The following IDO2 variants were observed in gnomAD, a reference collection of about 807,000 sequenced individuals.
IDO2 encodes indoleamine 2,3-dioxygenase-like 1 protein.
Under a neutral mutation model 45.1 loss-of-function variants are expected in IDO2, and 46 were observed. The observed-to-expected ratio is 1.02, with a 90% CI of 0.80 to 1.30. The LOEUF (loss-of-function observed/expected upper bound fraction) is 1.30. IDO2 is among the 50% of genes most tolerant of loss of function. The probability of loss-of-function intolerance (pLI) is 0.00; values close to 1 mark genes in which losing one functional copy is unlikely to be tolerated. For missense variants in IDO2, 544 were observed against 491.8 expected (o/e 1.11, Z -1.00); for synonymous variants, 218 against 184.9 (o/e 1.18, Z -1.45).
intron 8 of IDO2, among the ~76,000 whole-genome samples, chr8:39,991,396 A>G (rs938767061): frequency 8.5e-5 from 13 of 152,084 alleles, no homozygotes; most frequent in East Asian, 3.9e-4. Context: ...TAGCAAGGCT[A>G]TTAGGGAGAT....
At chr8:39,975,870 C>A (rs963477547) in intron 3 of IDO2, among the ~76,000 whole-genome samples, 1 of 151,962 alleles carries the variant, frequency 6.6e-6, no homozygotes, top group South Asian at 2.1e-4. Flanking sequence ...ACTGCAGATG[C>A]ATCCAGTAAT....
intron 2 of IDO2, among the ~76,000 whole-genome samples, chr8:39,956,688 T>C (rs1451785276): frequency 6.6e-6 from 1 of 152,162 alleles, no homozygotes; most frequent in Non-Finnish European, 1.5e-5. Flanking sequence ...AATAACTATA[T>C]AGAAAGTGTT....
At position 39,963,713 on chromosome 8, in the gene IDO2, T is replaced by C; in HGVS notation, c.195+10T>C. On this transcript the variant is annotated intron_variant, in intron 3 of 10. Coordinates refer to ENST00000502986, the Ensembl canonical transcript of IDO2. The stretch of plus-strand genomic sequence containing the variant: ...AGCTCATGTGGACAAGGTATTCTTC[T>C]CTTCACCCCCTCATCACATTCTGTT... 2 of 1,513,760 alleles carry C rather than the reference T, an allele frequency of 1.3e-6. No individual in the cohort carries two copies. Among genetic ancestry groups the C allele is most frequent in the Non-Finnish European group, 1.8e-6 (2 of 1,094,846 alleles). 93.8% of individuals were successfully genotyped at this position (1,513,760 alleles called of 1,614,324 possible). A position where few individuals can be genotyped will look rare whatever the true frequency, so the allele number is the denominator to read the frequency against.
At chr8:39,987,392 G>A (rs1050261768) in intron 6 of IDO2, 1 of 154,648 alleles carries the variant, frequency 6.5e-6, no homozygotes, top group Admixed American at 6.3e-5. Context: ...ACAGATTAGA[G>A]GCAGCACTGG....
At chr8:40,005,448 G>C in intron 9 of IDO2, 70 bp downstream of exon 9, 1 of 1,002,386 alleles carries the variant, frequency 1.0e-6, no homozygotes, top group Non-Finnish European at 1.4e-6. Flanking sequence ...AGGGGACGAA[G>C]AGACAGAAGC....
intron 1 of IDO2, among the ~76,000 whole-genome samples, chr8:39,942,762 T>A (rs1209770926): frequency 6.6e-6 from 1 of 152,194 alleles, no homozygotes; most frequent in African/African-American, 2.4e-5. Flanking sequence ...TTCCCATAAA[T>A]CTTGGGTGAT....
intron 2 of IDO2, among the ~76,000 whole-genome samples, chr8:39,960,660 T>C (rs1196063053): frequency 6.6e-6 from 1 of 152,242 alleles, no homozygotes; most frequent in Non-Finnish European, 1.5e-5. Flanking sequence ...AATATATATT[T>C]GTGACTTCCT....
intron 4 of IDO2, among the ~76,000 whole-genome samples, chr8:39,979,471 A>G (rs1191822340): frequency 6.6e-6 from 1 of 152,016 alleles, no homozygotes; most frequent in Non-Finnish European, 1.5e-5. Context: ...CTCCTGCCTC[A>G]GCCTTTCTTG....
At chr8:39,961,024 C>G (rs1318239323) in intron 2 of IDO2, among the ~76,000 whole-genome samples, 1 of 152,232 alleles carries the variant, frequency 6.6e-6, no homozygotes, top group African/African-American at 2.4e-5. Flanking sequence ...ACCTCGTGAT[C>G]TGCCTGCATT....
chr8:39,941,489 C>T (rs1394167443), intron 1 of IDO2, among the ~76,000 whole-genome samples: 2 of 152,082 alleles, frequency 1.3e-5, no homozygotes, highest in Admixed American at 6.5e-5. Context: ...AGAAAATTTG[C>T]ACTTTATTTC....
intron 1 of IDO2, among the ~76,000 whole-genome samples, chr8:39,948,636 A>T (rs1274306919): frequency 6.6e-6 from 1 of 152,214 alleles, no homozygotes; most frequent in Admixed American, 6.5e-5. Context: ...AAAAGAGAAC[A>T]TGAGGAAACT....
At chr8:39,976,991 A>G (rs1207022369) in intron 3 of IDO2, among the ~76,000 whole-genome samples, 1 of 152,178 alleles carries the variant, frequency 6.6e-6, no homozygotes, top group African/African-American at 2.4e-5. Flanking sequence ...TATTTGTGAG[A>G]AAAGTATTAA....
rs758966112 is a variant in IDO2 at position 39,974,359 on chromosome 8, C to T, written c.196-4708C>T. 9.2e-5 allele frequency among the ~76,000 whole-genome samples: 14 copies of T among 152,294 alleles called. 1 individual carries two copies. The highest frequency in any genetic ancestry group is 1.3e-4 in the Non-Finnish European group (9 of 68,032). On this transcript the variant is annotated intron_variant, in intron 3 of 10. Coordinates refer to ENST00000502986, the Ensembl canonical transcript of IDO2. Reference sequence around the variant, plus strand: ...GGCACATAGCAAAATGATTAACTGGCTCTGCTCTTTTCACCACAAACAAAA... The same window carrying T: ...GGCACATAGCAAAATGATTAACTGGTTCTGCTCTTTTCACCACAAACAAAA...
intron 8 of IDO2, 73 bp downstream of exon 8, chr8:39,989,911 G>T: frequency 2.2e-6 from 2 of 920,522 alleles, no homozygotes. Context: ...AGGGCCTGGG[G>T]ACCAGGCATG....
intron 9 of IDO2, among the ~76,000 whole-genome samples, chr8:40,011,622 C>A (rs968364266): frequency 6.6e-6 from 1 of 152,112 alleles, no homozygotes; most frequent in Non-Finnish European, 1.5e-5. Flanking sequence ...AAAGGGGAGC[C>A]GGGATTCCCA....
chr8:39,972,635 A>AAAAG (rs1808196239), intron 3 of IDO2, among the ~76,000 whole-genome samples: 6 of 148,106 alleles, frequency 4.1e-5, no homozygotes, highest in Non-Finnish European at 6.0e-5. Context: ...AAAAAAAAAA[A>AAAAG]GTTCTACTGG....
chr8:40,009,927 T>A (rs1227114846), intron 9 of IDO2, among the ~76,000 whole-genome samples: 2 of 152,188 alleles, frequency 1.3e-5, no homozygotes, highest in Non-Finnish European at 2.9e-5. Flanking sequence ...AAATCATTCA[T>A]TTATCACATA....
chr8:40,005,303 T>G, intron 8 of IDO2, 24 bp from the exon 9 acceptor site: 1 of 1,552,524 alleles, frequency 6.4e-7, no homozygotes, highest in Non-Finnish European at 8.8e-7. Flanking sequence ...TGTAGTAAAG[T>G]TCACATTTTG....
chr8:39,937,851 G>T (rs1807581215), intron 1 of IDO2, among the ~76,000 whole-genome samples: 1 of 152,060 alleles, frequency 6.6e-6, no homozygotes, highest in Admixed American at 6.6e-5. Context: ...AGACAACAAA[G>T]ATCAAGGGAA....
Sources: allele counts gnomAD v4.1 joint callset (sites outside exome capture counted in the v4.1 genomes callset), GRCh38; gene constraint gnomAD v4.1.1; transcripts MANE v1.5; gene names NCBI Gene and HGNC (gene_info 2026-07-23, HGNC 2026-07-21).